ADAM10: variants seen among roughly 807,000 people sequenced by gnomAD.
The protein encoded by ADAM10 is ADAM metallopeptidase domain 10, also known as disintegrin and metalloproteinase domain-containing protein 10.
A neutral mutation model predicts 90.1 loss-of-function variants in ADAM10; 17 were observed. The observed-to-expected ratio is 0.19, with a 90% CI of 0.13 to 0.28. ADAM10 has a LOEUF of 0.28. Among genes scored for constraint, ADAM10 ranks in the 10% least tolerant of loss-of-function variants. The pLI, the probability that ADAM10 is intolerant of heterozygous loss-of-function variation, is 1.00. For missense variants in ADAM10, 610 were observed against 914.3 expected (o/e 0.67, Z 4.29); for synonymous variants, 310 against 298.6 (o/e 1.04, Z -0.40).
At chr15:58,633,867 T>C (rs1401321406) in intron 8 of ADAM10, among the ~76,000 whole-genome samples, 1 of 149,188 alleles carries the variant, frequency 6.7e-6, no homozygotes, top group African/African-American at 2.5e-5. Context: ...TACAATGTAT[T>C]TGTAAAAATA....
chr15:58,629,670 C>T (rs1437560651), intron 9 of ADAM10, among the ~76,000 whole-genome samples: 3 of 152,194 alleles, frequency 2.0e-5, no homozygotes, highest in Non-Finnish European at 4.4e-5. Context: ...CAATCATAAT[C>T]TACCATGCAC....
In ADAM10 at chr15:58,605,782, G is replaced by C. The variant is rs1347968274; in HGVS notation, c.2025+4515C>G. 5.9e-5 allele frequency among the ~76,000 whole-genome samples: 9 copies of C among 151,894 alleles called. No homozygotes were observed. The East Asian group carries it at 1.5e-3, about 26-fold the overall frequency. On this transcript the variant is annotated intron_variant, in intron 14 of 15. Transcript: ENST00000260408. The stretch of plus-strand genomic sequence containing the variant: ...CAACTCAGAAAATAATTCTACATAA[G>C]AAAAAGAGAGATGATGTTCAATACA...
At chr15:58,607,348 AG>A (rs1895306614) in intron 14 of ADAM10, among the ~76,000 whole-genome samples, 1 of 152,274 alleles carries the variant, frequency 6.6e-6, no homozygotes, top group African/African-American at 2.4e-5. Flanking sequence ...ATGACATCTA[AG>A]GATATTTAGG....
intron 11 of ADAM10, among the ~76,000 whole-genome samples, chr15:58,613,385 C>A (rs1266888828): frequency 1.3e-5 from 2 of 152,030 alleles, no homozygotes; most frequent in African/African-American, 2.4e-5. Flanking sequence ...AACACAGGGA[C>A]TCATGAAACA....
chr15:58,692,493 T>C (rs777971625), intron 2 of ADAM10: 13 of 518,044 alleles, frequency 2.5e-5, no homozygotes, highest in South Asian at 1.6e-4. Context: ...TATCTTCCTC[T>C]TCTTTCTCAC....
In ADAM10 at chr15:58,686,743, C is replaced by T. The variant is rs1566994793; in HGVS notation, c.207-4429G>A. Reference sequence around the variant, plus strand: ...ATATTTCAGCCCTTTCCTGTGGCCCCGTCCTATAGCCAAAATCACAGAAAT... The same window carrying T: ...ATATTTCAGCCCTTTCCTGTGGCCCTGTCCTATAGCCAAAATCACAGAAAT... On this transcript the variant is annotated intron_variant, in intron 2 of 15. Transcript: ENST00000260408. 15 of 582,678 alleles carry T rather than the reference C, an allele frequency of 2.6e-5. 1 individual carries two copies. The East Asian group carries it at 4.2e-4, about 16-fold the overall frequency. The allele number at this position is 582,678 out of a possible 1,614,324, so 36.1% of individuals were successfully genotyped here.
chr15:58,614,061 A>G (rs1895530554), intron 11 of ADAM10, among the ~76,000 whole-genome samples: 1 of 152,226 alleles, frequency 6.6e-6, no homozygotes, highest in Non-Finnish European at 1.5e-5. Context: ...TAATCCCAAC[A>G]CTTTGGGAGG....
intron 9 of ADAM10, among the ~76,000 whole-genome samples, chr15:58,632,019 C>T (rs1896117461): frequency 6.6e-6 from 1 of 152,136 alleles, no homozygotes; most frequent in Non-Finnish European, 1.5e-5. Context: ...AAGTAGACAA[C>T]TTATTTTTAA....
chr15:58,707,840 C>T (rs1222936678), intron 2 of ADAM10, among the ~76,000 whole-genome samples: 1 of 151,922 alleles, frequency 6.6e-6, no homozygotes, highest in Non-Finnish European at 1.5e-5. Context: ...ACTTTGGGAG[C>T]CCGAGGCAGG....
chr15:58,704,038 G>A (rs77332382), intron 2 of ADAM10: 7,618 of 152,554 alleles, frequency 0.05, 656 homozygotes, highest in African/African-American at 0.17. Flanking sequence ...CTTCAGGAGG[G>A]ATGCACATGG....
intron 2 of ADAM10, among the ~76,000 whole-genome samples, chr15:58,685,093 C>A (rs893169879): frequency 7.2e-6 from 1 of 138,832 alleles, no homozygotes; most frequent in South Asian, 2.3e-4. Context: ...CTGTATACTA[C>A]AAAGCTGAAA....
chr15:58,611,955 T>C lies in ADAM10; in HGVS notation c.1548A>G (p.Ala516=), dbSNP rs1895451508. The change falls in exon 12 of 16, where the codon GCA becomes GCG. Residue 516 remains alanine, a synonymous_variant. Transcript: ENST00000260408. ...SQGPCCTAQC[A]FKSKSEKCRD... ...GACACTTCTCAGACTTTGACTTGAA[T>C]GCACACTGTGCTGTACAACAAGGAC... 1.2e-6 allele frequency: 2 copies of C among 1,614,096 alleles called. No individual in the cohort carries two copies. Among genetic ancestry groups the C allele is most frequent in the East Asian group, 2.2e-5 (1 of 44,892 alleles).
At chr15:58,726,658 TAGAA>T (rs1899041763) in intron 1 of ADAM10, among the ~76,000 whole-genome samples, 2 of 91,106 alleles carry the variant, frequency 2.2e-5, no homozygotes, top group African/African-American at 4.4e-5. Flanking sequence ...GGAAAACAAA[TAGAA>T]AGATGACAGT....
At chr15:58,708,150 T>A (rs879494220) in intron 2 of ADAM10, among the ~76,000 whole-genome samples, 3 of 152,160 alleles carry the variant, frequency 2.0e-5, no homozygotes, top group Non-Finnish European at 4.4e-5. Flanking sequence ...CTTCCACTGT[T>A]CAGGTATCTA....
At chr15:58,665,313 T>G in intron 4 of ADAM10, 116 bp from the exon 5 acceptor site, 1 of 846,418 alleles carries the variant, frequency 1.2e-6, no homozygotes, top group Non-Finnish European at 2.0e-6. Context: ...TAAATGCTTA[T>G]TAAGCACCTA....
intron 11 of ADAM10, among the ~76,000 whole-genome samples, chr15:58,615,103 T>A (rs779855912): frequency 6.6e-6 from 1 of 151,566 alleles, no homozygotes; most frequent in Non-Finnish European, 1.5e-5. Context: ...TGAAACCCCA[T>A]CTCTACTAAA....
At chr15:58,654,012 C>T (rs1267936459) in intron 5 of ADAM10, among the ~76,000 whole-genome samples, 10 of 152,040 alleles carry the variant, frequency 6.6e-5, no homozygotes, top group African/African-American at 2.2e-4. Context: ...GCTCAAAGTA[C>T]CCACTAATGA....
At chr15:58,657,297 CT>C (rs1419140187) in intron 5 of ADAM10, among the ~76,000 whole-genome samples, 1 of 152,196 alleles carries the variant, frequency 6.6e-6, no homozygotes, top group Non-Finnish European at 1.5e-5. Flanking sequence ...ATCTCTTTCT[CT>C]ACCTCCTCTT....
At chr15:58,662,148 G>A (rs1347477580) in intron 5 of ADAM10, among the ~76,000 whole-genome samples, 1 of 152,144 alleles carries the variant, frequency 6.6e-6, no homozygotes, top group African/African-American at 2.4e-5. Context: ...ATACTGCTGA[G>A]TAACTGGACT....
Sources: allele counts gnomAD v4.1 joint callset (sites outside exome capture counted in the v4.1 genomes callset), GRCh38; gene constraint gnomAD v4.1.1; transcripts MANE v1.5; gene names NCBI Gene and HGNC (gene_info 2026-07-23, HGNC 2026-07-21).